Variants in CUX1 observed in about 807,000 individuals in gnomAD.
CUX1 encodes the protein cut like homeobox 1.
In CUX1, 31 loss-of-function variants were observed where a neutral mutation model predicts 158.8. That is an observed-to-expected ratio of 0.20 (90% CI 0.15 to 0.26). The LOEUF (loss-of-function observed/expected upper bound fraction) is 0.26, where lower values mean the gene tolerates loss of function less well. Among genes scored for constraint, CUX1 ranks in the 10% least tolerant of loss-of-function variants. CUX1 has a pLI of 1.00. For missense variants in CUX1, 1,589 were observed against 2,014.6 expected (o/e 0.79, Z 4.04); for synonymous variants, 879 against 862.1 (o/e 1.02, Z -0.34).
Position 102,185,607 on chromosome 7 carries a change from G to GT in CUX1, c.1018-4194dup, listed in dbSNP as rs1241609724. ...GCTAATGTTTTGGGGTTTTTTTTTT[G>GT]TTTTTTTTTTTTGGTAGAGACGGGG... On this transcript the variant is annotated intron_variant, in intron 11 of 23. Coordinates refer to ENST00000292535, the MANE Select transcript of CUX1 (RefSeq NM_181552.4). Among the ~76,000 whole-genome samples, 1,237 of 137,496 alleles carry GT rather than the reference G, an allele frequency of 9.0e-3. 13 individuals are homozygous for GT. Among genetic ancestry groups the GT allele is most frequent in the African/African-American group, 0.025 (946 of 37,618 alleles). 90.2% of individuals were successfully genotyped at this position (137,496 alleles called of 152,430 possible).
intron 1 of CUX1, among the ~76,000 whole-genome samples, chr7:101,864,672 T>C (rs553677467): frequency 1.6e-3 from 241 of 152,270 alleles, no homozygotes; most frequent in African/African-American, 5.4e-3. Flanking sequence ...TGTCTCAGCC[T>C]CCCGAGTAGC....
At chr7:102,038,981 C>T (rs1821746667) in intron 3 of CUX1, among the ~76,000 whole-genome samples, 1 of 152,018 alleles carries the variant, frequency 6.6e-6, no homozygotes, top group African/African-American at 2.4e-5. Flanking sequence ...CTTATTTGCC[C>T]TGGAAAACCA....
chr7:102,230,295 G>C (rs1378786576), intron 21 of CUX1, among the ~76,000 whole-genome samples: 1 of 151,766 alleles, frequency 6.6e-6, no homozygotes, highest in Admixed American at 6.6e-5. Context: ...GGGCAACACA[G>C]TGAGACCCCG....
chr7:102,030,913 G>T, intron 3 of CUX1, among the ~76,000 whole-genome samples: 1 of 151,816 alleles, frequency 6.6e-6, no homozygotes, highest in Non-Finnish European at 1.5e-5. Context: ...CATTGCCCAG[G>T]CTTGTATCGA....
At chr7:101,948,813 C>A (rs1351791723) in intron 2 of CUX1, among the ~76,000 whole-genome samples, 1 of 152,190 alleles carries the variant, frequency 6.6e-6, no homozygotes, top group Non-Finnish European at 1.5e-5. Context: ...GAGCTTGGGA[C>A]TGGCTGGCCT....
intron 3 of CUX1, among the ~76,000 whole-genome samples, chr7:102,055,537 C>A (rs1294289990): frequency 1.3e-5 from 2 of 152,178 alleles, no homozygotes; most frequent in East Asian, 3.9e-4. Flanking sequence ...TTTGGGGACA[C>A]CACAAACTGT....
At chr7:102,133,463 A>T (rs1287941526) in intron 8 of CUX1, among the ~76,000 whole-genome samples, 1 of 144,124 alleles carries the variant, frequency 6.9e-6, no homozygotes, top group Non-Finnish European at 1.5e-5. Context: ...AGAAAAAAAT[A>T]CATCTTTTTT....
At chr7:101,984,163 TG>T (rs1813964133) in intron 2 of CUX1, among the ~76,000 whole-genome samples, 1 of 138,458 alleles carries the variant, frequency 7.2e-6, no homozygotes. Flanking sequence ...TGTGTGTGTG[TG>T]TGTGTGTGTG....
intron 21 of CUX1, among the ~76,000 whole-genome samples, chr7:102,227,951 CTTTTTTTTT>C (rs781968632): frequency 7.7e-5 from 9 of 117,302 alleles, no homozygotes; most frequent in Non-Finnish European, 1.2e-4. Flanking sequence ...TCTTTTTTTT[CTTTTTTTTT>C]TTTTTTTTTT....
chr7:102,042,477 C>G (rs1822229715), intron 3 of CUX1, among the ~76,000 whole-genome samples: 1 of 152,194 alleles, frequency 6.6e-6, no homozygotes, highest in Admixed American at 6.6e-5. Context: ...CATGACTTGC[C>G]TTTGAAATAT....
intron 4 of CUX1, among the ~76,000 whole-genome samples, chr7:102,086,106 A>C (rs1171768863): frequency 1.3e-5 from 2 of 152,090 alleles, no homozygotes; most frequent in African/African-American, 4.8e-5. Context: ...ATGTGTAGTG[A>C]TGTCCTTTCT....
chr7:101,856,026 GA>G (rs906611955), intron 1 of CUX1, among the ~76,000 whole-genome samples: 1 of 151,462 alleles, frequency 6.6e-6, no homozygotes, highest in Admixed American at 6.6e-5. Context: ...CAAAAAATAA[GA>G]AAAATTGGCC....
At chr7:101,890,564 C>T (rs979847942) in intron 1 of CUX1, among the ~76,000 whole-genome samples, 2 of 152,068 alleles carry the variant, frequency 1.3e-5, no homozygotes, top group African/African-American at 4.8e-5. Flanking sequence ...GTGATACACG[C>T]GCCTTACATT....
intron 15 of CUX1, 37 bp from the exon 16 acceptor site, chr7:102,198,763 CCT>C: frequency 6.3e-7 from 1 of 1,577,408 alleles, no homozygotes; most frequent in South Asian, 1.1e-5. Context: ...CCACCATTCC[CCT>C]GATTGTTTTG....
chr7:102,127,496 G>C (rs1455325822), intron 8 of CUX1, among the ~76,000 whole-genome samples: 2 of 152,068 alleles, frequency 1.3e-5, no homozygotes, highest in African/African-American at 4.8e-5. Flanking sequence ...GGCATGAGCT[G>C]CTTCGCCCAA....
chr7:101,993,881 T>C (rs749230456), intron 2 of CUX1, among the ~76,000 whole-genome samples: 2 of 152,192 alleles, frequency 1.3e-5, no homozygotes, highest in African/African-American at 2.4e-5. Context: ...CTCCCCTTCA[T>C]GGTGCTCCTA....
chr7:101,957,064 C>T (rs189553311), intron 2 of CUX1, among the ~76,000 whole-genome samples: 11 of 152,096 alleles, frequency 7.2e-5, no homozygotes, highest in Non-Finnish European at 1.0e-4. Flanking sequence ...TATAGAGGAA[C>T]GGCTAAATGA....
chr7:102,005,455 CT>C (rs1817232868), intron 2 of CUX1, among the ~76,000 whole-genome samples: 1 of 152,220 alleles, frequency 6.6e-6, no homozygotes, highest in Non-Finnish European at 1.5e-5. Flanking sequence ...CCACCTCAGC[CT>C]CCCAAGTAGC....
intron 11 of CUX1, among the ~76,000 whole-genome samples, chr7:102,180,723 G>A (rs1207489900): frequency 6.7e-6 from 1 of 149,436 alleles, no homozygotes; most frequent in South Asian, 2.1e-4. Context: ...TGCCTATGCT[G>A]ATGGCTCCCA....
Sources: allele counts gnomAD v4.1 joint callset (sites outside exome capture counted in the v4.1 genomes callset), GRCh38; gene constraint gnomAD v4.1.1; transcripts MANE v1.5; gene names NCBI Gene and HGNC (gene_info 2026-07-23, HGNC 2026-07-21).